Variants in CCSER1 observed in about 807,000 individuals in gnomAD.
CCSER1 encodes the protein coiled-coil serine rich protein 1.
Under a neutral mutation model 82.0 loss-of-function variants are expected in CCSER1, and 41 were observed. The observed-to-expected ratio is 0.50, with a 90% CI of 0.39 to 0.65. CCSER1 has a LOEUF of 0.65. Ranked by LOEUF, CCSER1 falls within the 30% of genes least tolerant of loss-of-function variation. CCSER1 has a pLI of 0.00. For synonymous variants in CCSER1, 414 were observed against 383.9 expected (o/e 1.08, Z -0.92); for missense variants, 1,119 against 1,064.2 (o/e 1.05, Z -0.72).
chr4:91,280,964 T>C (rs1277251152), intron 10 of CCSER1, among the ~76,000 whole-genome samples: 1 of 152,182 alleles, frequency 6.6e-6, no homozygotes, highest in Non-Finnish European at 1.5e-5. Flanking sequence ...GTGGCCCCAG[T>C]GTGAGCTCCC....
intron 9 of CCSER1, among the ~76,000 whole-genome samples, chr4:90,933,972 G>T (rs570159919): frequency 1.8e-3 from 270 of 151,720 alleles, no homozygotes; most frequent in African/African-American, 6.1e-3. Flanking sequence ...CTTTAGAAGA[G>T]AATTTTGAAA....
intron 5 of CCSER1, among the ~76,000 whole-genome samples, chr4:90,618,098 G>T (rs1228010270): frequency 6.9e-6 from 1 of 143,900 alleles, no homozygotes; most frequent in Non-Finnish European, 1.5e-5. Context: ...TATGAAATCT[G>T]ATTGGGAAGA....
At chr4:91,443,150 G>C (rs1279872197) in intron 10 of CCSER1, among the ~76,000 whole-genome samples, 1 of 152,002 alleles carries the variant, frequency 6.6e-6, no homozygotes, top group Non-Finnish European at 1.5e-5. Context: ...TATAAATCAT[G>C]CTGCTATAAA....
intron 5 of CCSER1, among the ~76,000 whole-genome samples, chr4:90,514,696 C>T (rs184925191): frequency 1.7e-3 from 254 of 152,082 alleles, no homozygotes; most frequent in African/African-American, 5.9e-3. Flanking sequence ...GCGGAGGTTA[C>T]AGTGAGCTGG....
intron 4 of CCSER1, among the ~76,000 whole-genome samples, chr4:90,465,594 A>AAAATGTCAC (rs1387586013): frequency 6.6e-6 from 1 of 152,130 alleles, no homozygotes; most frequent in Non-Finnish European, 1.5e-5. Flanking sequence ...TATTTTTTAT[A>AAAATGTCAC]AAATGTCACA....
chr4:90,748,040 T>C (rs1226096883), intron 7 of CCSER1, among the ~76,000 whole-genome samples: 1 of 146,698 alleles, frequency 6.8e-6, no homozygotes, highest in Non-Finnish European at 1.5e-5. Flanking sequence ...ATTTTCTTCT[T>C]TTTTTTTTAT....
chr4:90,691,215 C>T (rs188406118), intron 6 of CCSER1, among the ~76,000 whole-genome samples: 1 of 152,084 alleles, frequency 6.6e-6, no homozygotes, highest in African/African-American at 2.4e-5. Flanking sequence ...TAAATCTTTA[C>T]AGAGGGTTTA....
chr4:90,943,685 C>T (rs1050642489), intron 9 of CCSER1, among the ~76,000 whole-genome samples: 2 of 149,074 alleles, frequency 1.3e-5, no homozygotes, highest in Non-Finnish European at 3.0e-5. Flanking sequence ...GCCTCAGCCT[C>T]CCGAGTAGCT....
chr4:90,488,242 C>A (rs772756913), intron 5 of CCSER1, among the ~76,000 whole-genome samples: 3 of 152,074 alleles, frequency 2.0e-5, no homozygotes, highest in Non-Finnish European at 2.9e-5. Context: ...AGTACAGTGG[C>A]GTGATCTCAG....
intron 10 of CCSER1, among the ~76,000 whole-genome samples, chr4:91,369,647 A>G (rs1749877967): frequency 6.7e-6 from 1 of 149,020 alleles, no homozygotes; most frequent in Admixed American, 6.7e-5. Flanking sequence ...TCCCAGGTCC[A>G]AATTAATCTG....
chr4:91,473,274 C>T (rs1431344596), intron 10 of CCSER1, among the ~76,000 whole-genome samples: 1 of 152,136 alleles, frequency 6.6e-6, no homozygotes, highest in African/African-American at 2.4e-5. Flanking sequence ...ATTGTGGAAG[C>T]TTCTGAGTAG....
chr4:91,129,807 T>C (rs969760079), intron 10 of CCSER1: 5 of 152,064 alleles, frequency 3.3e-5, no homozygotes, highest in African/African-American at 1.2e-4. Flanking sequence ...GGTGTTTACC[T>C]TGAGAAAATA....
intron 10 of CCSER1, among the ~76,000 whole-genome samples, chr4:91,354,208 G>A (rs1012977174): frequency 6.6e-6 from 1 of 152,176 alleles, no homozygotes; most frequent in Admixed American, 6.5e-5. Flanking sequence ...TTGTGCCTAA[G>A]TGGCAGGTCT....
rs200424632 is a variant in CCSER1 at position 90,882,755 on chromosome 4, G to GA, written c.2095-40607dup. On this transcript the variant is annotated intron_variant, in intron 8 of 10. Transcript: ENST00000509176. ...ATGATTTGAATCTAACTTTAACACT[G>GA]AAAAAAAACAAAGCCAGGCTTCCCC... is the stretch of plus-strand genomic sequence containing the variant. Among the ~76,000 whole-genome samples, 91 of 150,974 alleles carry GA rather than the reference G, an allele frequency of 6.0e-4. 1 individual carries two copies. In the East Asian group the frequency reaches 0.013, roughly 21 times the overall value.
chr4:91,357,882 C>A (rs912168937), intron 10 of CCSER1, among the ~76,000 whole-genome samples: 2 of 72,862 alleles, frequency 2.7e-5, no homozygotes, highest in South Asian at 6.7e-4. Flanking sequence ...GCCTGCCCCC[C>A]CCCCCTTTTT....
chr4:90,312,808 G>A (rs1356584131), intron 2 of CCSER1, 55 bp from the exon 3 acceptor site: 28 of 1,342,478 alleles, frequency 2.1e-5, no homozygotes, highest in Non-Finnish European at 2.8e-5. Flanking sequence ...TGGGACATTT[G>A]TAAAAACTAC....
At chr4:91,233,897 G>T (rs1349057186) in intron 10 of CCSER1, among the ~76,000 whole-genome samples, 2 of 151,826 alleles carry the variant, frequency 1.3e-5, no homozygotes, top group East Asian at 3.9e-4. Context: ...ATTTAGTAAA[G>T]CAATTACTAA....
chr4:91,326,259 C>T (rs1746552281), intron 10 of CCSER1, among the ~76,000 whole-genome samples: 1 of 152,178 alleles, frequency 6.6e-6, no homozygotes, highest in South Asian at 2.1e-4. Flanking sequence ...AATTGACTCA[C>T]AGTTCTGCAG....
At chr4:90,188,598 C>A (rs1044499943) in intron 1 of CCSER1, among the ~76,000 whole-genome samples, 3 of 151,836 alleles carry the variant, frequency 2.0e-5, no homozygotes, top group African/African-American at 7.3e-5. Flanking sequence ...AGTTTTAGTA[C>A]AACTAGAAAC....
Sources: gnomAD v4.1 joint callset for allele counts (sites outside exome capture counted in the v4.1 genomes callset) on GRCh38, gnomAD v4.1.1 for gene constraint, MANE v1.5 for transcripts, NCBI Gene and HGNC (gene_info 2026-07-23, HGNC 2026-07-21) for gene names.